Variants in NEDD4 observed in about 807,000 individuals in gnomAD.
The protein encoded by NEDD4 is NEDD4 E3 ubiquitin protein ligase, also known as E3 ubiquitin-protein ligase NEDD4.
A neutral mutation model predicts 144.9 loss-of-function variants in NEDD4; 99 were observed. That is an observed-to-expected ratio of 0.68 (90% CI 0.58 to 0.81). NEDD4 has a LOEUF of 0.81. Among genes scored for constraint, NEDD4 ranks in the 30% least tolerant of loss-of-function variants. The pLI is 0.00. For synonymous variants in NEDD4, 318 were observed against 350.6 expected (o/e 0.91, Z 1.04); for missense variants, 985 against 1,065.9 (o/e 0.92, Z 1.06).
At chr15:55,946,206 T>G (rs1168632541) in intron 4 of NEDD4, among the ~76,000 whole-genome samples, 1 of 152,160 alleles carries the variant, frequency 6.6e-6, no homozygotes, top group African/African-American at 2.4e-5. Flanking sequence ...AGACACAGAC[T>G]GGCGAATTAG....
intron 4 of NEDD4, among the ~76,000 whole-genome samples, chr15:55,949,452 T>C (rs1475519123): frequency 1.3e-5 from 2 of 152,188 alleles, no homozygotes; most frequent in African/African-American, 2.4e-5. Flanking sequence ...CATTACTGGG[T>C]ATATACCCAA....
At chr15:55,836,392 C>G (rs1160851199) in intron 24 of NEDD4, among the ~76,000 whole-genome samples, 1 of 152,056 alleles carries the variant, frequency 6.6e-6, no homozygotes, top group Non-Finnish European at 1.5e-5. Context: ...CAAAGTTTCA[C>G]TCTGTAGCCC....
chr15:55,899,055 G>C (rs901354814), intron 5 of NEDD4, among the ~76,000 whole-genome samples: 1 of 152,166 alleles, frequency 6.6e-6, no homozygotes, highest in Admixed American at 6.5e-5. Flanking sequence ...TGAAAACAAA[G>C]ATTTCTTCTC....
rs147836888 is a variant in NEDD4 at position 55,916,743 on chromosome 15, T to C, written c.291+7903A>G. 17 of 1,613,912 alleles carry C rather than the reference T, an allele frequency of 1.1e-5. No individual in the cohort carries two copies. The African/African-American group carries it at 2.1e-4, about 20-fold the overall frequency. ...TGGTCTTTTGAAGCACATGTGAACATGGCTATCCAAGTCATCTCCGGAGGT... is the reference window on the plus strand; with the variant it reads ...TGGTCTTTTGAAGCACATGTGAACACGGCTATCCAAGTCATCTCCGGAGGT... On this transcript the variant is annotated intron_variant, in intron 5 of 28. Transcript: ENST00000435532.
chr15:55,864,149 A>C (rs1301281515), intron 8 of NEDD4, among the ~76,000 whole-genome samples: 5 of 152,248 alleles, frequency 3.3e-5, no homozygotes, highest in Non-Finnish European at 7.3e-5. Context: ...ACCTCACAAA[A>C]GAAAAGGCAG....
chr15:55,915,440 T>C, intron 5 of NEDD4: 1 of 1,613,906 alleles, frequency 6.2e-7, no homozygotes, highest in Non-Finnish European at 8.5e-7. Flanking sequence ...AGGAAATATT[T>C]GGATAAGCTC....
At chr15:55,990,251 C>T (rs777866325) in intron 1 of NEDD4, among the ~76,000 whole-genome samples, 2 of 152,032 alleles carry the variant, frequency 1.3e-5, no homozygotes, top group Admixed American at 6.6e-5. Flanking sequence ...ACCACTGGAC[C>T]GCATCCCCGG....
chr15:55,934,220 G>T (rs1057195009), intron 4 of NEDD4, among the ~76,000 whole-genome samples: 2 of 152,198 alleles, frequency 1.3e-5, no homozygotes, highest in Non-Finnish European at 2.9e-5. Flanking sequence ...TGAGCAGTGT[G>T]AGAATGGGCT....
intron 4 of NEDD4, among the ~76,000 whole-genome samples, chr15:55,947,751 GC>G (rs2037149453): frequency 6.6e-6 from 1 of 152,042 alleles, no homozygotes; most frequent in South Asian, 2.1e-4. Context: ...AAATTCAACA[GC>G]CCTTCATGCT....
At chr15:55,954,815 T>C (rs1410562692) in intron 2 of NEDD4, among the ~76,000 whole-genome samples, 1 of 152,016 alleles carries the variant, frequency 6.6e-6, no homozygotes, top group Non-Finnish European at 1.5e-5. Context: ...TGAGCCACCG[T>C]GCCTAGCCGA....
chr15:55,969,484 C>A (rs1483370759), intron 1 of NEDD4, among the ~76,000 whole-genome samples: 6 of 152,152 alleles, frequency 3.9e-5, no homozygotes, highest in Non-Finnish European at 7.4e-5. Flanking sequence ...TGTGTCACCC[C>A]TCCTCCAACT....
chr15:55,851,073 C>T (rs933280716), intron 13 of NEDD4, among the ~76,000 whole-genome samples: 2 of 152,150 alleles, frequency 1.3e-5, no homozygotes, highest in Non-Finnish European at 2.9e-5. Flanking sequence ...GCGAGGTCTG[C>T]AAGCTCAAGC....
At position 55,828,676 on chromosome 15, in the gene NEDD4, C is replaced by T. The variant is rs1234040799; in HGVS notation, c.*1221G>A. 1 of 152,582 alleles carries T rather than the reference C, an allele frequency of 6.6e-6. No individual in the cohort carries two copies. The highest frequency in any genetic ancestry group is 1.5e-5 in the Non-Finnish European group (1 of 68,034). The allele number at this position is 152,582 out of a possible 1,614,324, so 9.5% of individuals were successfully genotyped here. ...AATAAACGTTTGATGAATACATGTACATGGTCTTTATGTACTTCAGTTTGG... is the reference window on the plus strand; with the variant it reads ...AATAAACGTTTGATGAATACATGTATATGGTCTTTATGTACTTCAGTTTGG... On this transcript the variant is annotated 3_prime_UTR_variant, in exon 29 of 29. Transcript: ENST00000435532.
chr15:55,836,281 T>A (rs1471790712), intron 24 of NEDD4, among the ~76,000 whole-genome samples: 1 of 151,956 alleles, frequency 6.6e-6, no homozygotes, highest in Admixed American at 6.6e-5. Flanking sequence ...TTTGGCCTGG[T>A]ACAGCACCAT....
intron 5 of NEDD4, among the ~76,000 whole-genome samples, chr15:55,911,704 A>G (rs1187175214): frequency 6.6e-6 from 1 of 151,576 alleles, no homozygotes. Context: ...TAATTTTTGT[A>G]TTTTTAGTAG....
chr15:55,905,216 A>G (rs1229183927), intron 5 of NEDD4: 1 of 449,686 alleles, frequency 2.2e-6, no homozygotes, highest in African/African-American at 2.0e-5. Flanking sequence ...TTTTACCTGG[A>G]ATTCACTCAG....
At chr15:55,920,781 C>A (rs2036554054) in intron 5 of NEDD4, among the ~76,000 whole-genome samples, 1 of 152,154 alleles carries the variant, frequency 6.6e-6, no homozygotes, top group Non-Finnish European at 1.5e-5. Context: ...TGTTGCTATA[C>A]AATCAGGTCT....
chr15:55,963,373 T>C (rs2037457693), intron 2 of NEDD4, among the ~76,000 whole-genome samples: 1 of 152,112 alleles, frequency 6.6e-6, no homozygotes, highest in African/African-American at 2.4e-5. Flanking sequence ...CTCAAGTTCC[T>C]GGCTTTTTTA....
chr15:55,892,528 T>C (rs924698727), intron 5 of NEDD4, among the ~76,000 whole-genome samples: 10 of 152,028 alleles, frequency 6.6e-5, no homozygotes, highest in Admixed American at 6.5e-4. Flanking sequence ...AATTTGTTTT[T>C]TCAGTTTTCA....
Sources: allele counts gnomAD v4.1 joint callset (sites outside exome capture counted in the v4.1 genomes callset), GRCh38; gene constraint gnomAD v4.1.1; transcripts MANE v1.5; gene names NCBI Gene and HGNC (gene_info 2026-07-23, HGNC 2026-07-21).